Variants in KLHL3 observed in about 807,000 individuals in gnomAD.
KLHL3 encodes kelch like family member 3.
Under a neutral mutation model 70.5 loss-of-function variants are expected in KLHL3, and 19 were observed. The ratio of observed to expected loss-of-function variants is 0.27; its 90% CI spans 0.19 to 0.40. The LOEUF is 0.40. Ranked by LOEUF, KLHL3 falls within the 10% of genes least tolerant of loss-of-function variation. The probability of loss-of-function intolerance (pLI) is 1.00; values close to 1 mark genes in which losing one functional copy is unlikely to be tolerated. For missense variants in KLHL3, 512 were observed against 771.1 expected, an observed-to-expected ratio of 0.66 and a Z score of 3.98; for synonymous variants, 258 against 290.3, an observed-to-expected ratio of 0.89 and a Z score of 1.13.
At position 137,660,150 on chromosome 5, in the gene KLHL3, G is replaced by T. The variant is rs570656832; in HGVS notation, c.753+1765C>A. Among the ~76,000 whole-genome samples the T allele has an allele frequency of 4.6e-5, 7 of 152,322 alleles. No individual in the cohort carries two copies. In the East Asian group the frequency reaches 1.2e-3, roughly 25 times the overall value. ...CTTTCTGCAAAAAGGGCAAAGGGAG[G>T]AGTCCCACACAACAGTTCTCATGCC... On this transcript the variant is annotated intron_variant, in intron 7 of 14. Transcript: ENST00000309755.
At chr5:137,637,478 T>G in intron 10 of KLHL3, 83 bp from the exon 11 acceptor site, 1 of 1,198,772 alleles carries the variant, frequency 8.3e-7, no homozygotes, top group Admixed American at 1.8e-5. Context: ...GGGGGAGGAG[T>G]CCAAATGCAT....
rs192986779 is a variant in KLHL3 at position 137,670,520 on chromosome 5, C to T, written c.636+7025G>A. ...AGGGGCCAAATGAGCCTAAGAAACA[C>T]ATCATACTGTATCCTCAAATATCCC... is the stretch of plus-strand genomic sequence containing the variant. On this transcript the variant is annotated intron_variant, in intron 6 of 14. Coordinates refer to ENST00000309755, the MANE Select transcript of KLHL3 (RefSeq NM_017415.3). Among the ~76,000 whole-genome samples the T allele has an allele frequency of 4.6e-5, 7 of 151,758 alleles. 1 individual carries two copies. The highest frequency in any genetic ancestry group is 3.9e-4 in the Admixed American group (6 of 15,212).
At position 137,709,813 on chromosome 5, in the gene KLHL3, C is replaced by T. The variant is rs547887501; in HGVS notation, c.178G>A (p.Glu60Lys). 7.4e-6 allele frequency: 12 copies of T among 1,614,108 alleles called. No homozygotes were observed. The highest frequency in any genetic ancestry group is 3.3e-5 in the Admixed American group (2 of 60,022). The change falls in exon 3 of 15, where the codon GAG becomes AAG. Residue 60 changes from glutamate to lysine, a missense_variant. Transcript: ENST00000309755. ...CDVMIVAEDV[E>K]IEAHRVVLAA... Reference sequence around the variant, plus strand: ...AGGACCACACGGTGGGCTTCTATCTCGACATCTTCTGCCACAATCATCACG... The same window carrying T: ...AGGACCACACGGTGGGCTTCTATCTTGACATCTTCTGCCACAATCATCACG...
intron 3 of KLHL3, among the ~76,000 whole-genome samples, chr5:137,699,954 A>G (rs1224682919): frequency 6.6e-6 from 1 of 152,192 alleles, no homozygotes; most frequent in African/African-American, 2.4e-5. Context: ...ACAGTTCTAG[A>G]GCTGAATGAC....
At chr5:137,706,956 A>T (rs1752697351) in intron 3 of KLHL3, among the ~76,000 whole-genome samples, 1 of 152,220 alleles carries the variant, frequency 6.6e-6, no homozygotes. Context: ...AGAGAAGTAT[A>T]AAGTACCATG....
At chr5:137,734,460 A>G (rs1329303004) in intron 1 of KLHL3, among the ~76,000 whole-genome samples, 2 of 152,240 alleles carry the variant, frequency 1.3e-5, no homozygotes, top group Non-Finnish European at 2.9e-5. Context: ...CTCTACAGAC[A>G]AAAGAATGAC....
intron 8 of KLHL3, 37 bp downstream of exon 8, chr5:137,658,094 A>G: frequency 6.3e-7 from 1 of 1,580,278 alleles, no homozygotes; most frequent in Non-Finnish European, 8.6e-7. Context: ...CCCAGGGCAC[A>G]GTCCTGACTC....
chr5:137,685,966 C>T (rs550753149), intron 5 of KLHL3, among the ~76,000 whole-genome samples: 1 of 152,148 alleles, frequency 6.6e-6, no homozygotes, highest in Non-Finnish European at 1.5e-5. Flanking sequence ...CTGTAATAGT[C>T]AGGGATGAGT....
intron 6 of KLHL3, among the ~76,000 whole-genome samples, chr5:137,665,859 G>GGGGAAAGGGGAA (rs1397609641): frequency 6.6e-6 from 1 of 152,002 alleles, no homozygotes; most frequent in Non-Finnish European, 1.5e-5. Flanking sequence ...GGAAAGGGAA[G>GGGGAAAGGGGAA]GGGAAAGGGG....
In KLHL3 at chr5:137,639,724, A is replaced by AT. The variant is rs939428441; in HGVS notation, c.1021+135_1021+136insA. ...AACGACAACAACCAAAAAAAAAAAAAAAGTGTGCAGGAGGGAAACGAATGG... is the reference window on the plus strand; with the variant it reads ...AACGACAACAACCAAAAAAAAAAAAATAAGTGTGCAGGAGGGAAACGAATGG... On this transcript the variant is annotated intron_variant, in intron 9 of 14. Transcript: ENST00000309755. The surrounding 1 kb of genome is among the most constrained non-coding windows in gnomAD (Gnocchi z 5.0). 34 of 631,916 alleles carry AT rather than the reference A, an allele frequency of 5.4e-5. No individual in the cohort carries two copies. Among genetic ancestry groups the AT allele is most frequent in the Middle Eastern group, 7.5e-4 (2 of 2,684 alleles). The allele number at this position is 631,916 out of a possible 1,614,324, so 39.1% of individuals were successfully genotyped here.
At chr5:137,647,459 A>C (rs1050577088) in intron 8 of KLHL3, 18 of 461,474 alleles carry the variant, frequency 3.9e-5, no homozygotes, top group Middle Eastern at 3.3e-4. Context: ...GGTCATTCAA[A>C]TTTCTACTCA....
At chr5:137,664,776 C>G (rs537518124) in intron 6 of KLHL3, among the ~76,000 whole-genome samples, 1 of 152,014 alleles carries the variant, frequency 6.6e-6, no homozygotes, top group East Asian at 1.9e-4. Flanking sequence ...TGTAACCATG[C>G]CACTGCACTC....
chr5:137,700,278 G>A (rs559959395), intron 3 of KLHL3, among the ~76,000 whole-genome samples: 2 of 152,292 alleles, frequency 1.3e-5, no homozygotes, highest in African/African-American at 4.8e-5. Flanking sequence ...CATTGATGAG[G>A]GTCCAGTTGG....
In KLHL3 at chr5:137,680,942, G is replaced by A. The variant is rs112042182; in HGVS notation, c.527-3288C>T. ...TAATCCTAACAGTTTAGAAGGCTGC[G>A]CAGGAAGATCATTTGAGGTCAGGGG... On this transcript the variant is annotated intron_variant, in intron 5 of 14. Coordinates refer to ENST00000309755, the MANE Select transcript of KLHL3 (RefSeq NM_017415.3). Among the ~76,000 whole-genome samples, 37 of 152,162 alleles carry A rather than the reference G, an allele frequency of 2.4e-4. 2 individuals carry two copies. The highest frequency in any genetic ancestry group is 7.5e-4 in the African/African-American group (31 of 41,508).
At chr5:137,663,081 T>A (rs1323005385) in intron 6 of KLHL3, among the ~76,000 whole-genome samples, 2 of 124,598 alleles carry the variant, frequency 1.6e-5, no homozygotes, top group South Asian at 5.2e-4. Flanking sequence ...TTTTTTTTTT[T>A]GGTTCTTACT....
intron 6 of KLHL3, 30 bp from the exon 7 acceptor site, chr5:137,662,061 A>G: frequency 9.0e-7 from 1 of 1,107,296 alleles, no homozygotes; most frequent in Non-Finnish European, 1.4e-6. Context: ...GGGCAACTTC[A>G]GTAAAGAGAC....
intron 2 of KLHL3, among the ~76,000 whole-genome samples, chr5:137,718,023 G>A (rs1289592871): frequency 6.6e-6 from 1 of 152,188 alleles, no homozygotes; most frequent in Non-Finnish European, 1.5e-5. Context: ...GAAAACCTTT[G>A]GTCAGACAAG....
intron 7 of KLHL3, 25 bp downstream of exon 7, chr5:137,661,890 G>T: frequency 7.8e-7 from 1 of 1,278,536 alleles, no homozygotes; most frequent in Non-Finnish European, 1.1e-6. Context: ...ACACAGAAGT[G>T]CTTGGCTCTT....
At chr5:137,676,248 G>T (rs1452331666) in intron 6 of KLHL3, among the ~76,000 whole-genome samples, 2 of 152,040 alleles carry the variant, frequency 1.3e-5, no homozygotes, top group African/African-American at 4.8e-5. Context: ...GGCAGGCAGG[G>T]GTTTGTGAAT....
Sources: gnomAD v4.1 joint callset for allele counts (sites outside exome capture counted in the v4.1 genomes callset) on GRCh38, gnomAD v4.1.1 for gene constraint, Gnocchi (gnomAD v3.1) non-coding constraint, MANE v1.5 for transcripts, NCBI Gene and HGNC (gene_info 2026-07-23, HGNC 2026-07-21) for gene names.